The following SUCLG2 variants were observed in gnomAD, a reference collection of about 807,000 sequenced individuals.
SUCLG2 encodes succinate--CoA ligase [GDP-forming] subunit beta, mitochondrial.
Under a neutral mutation model 47.9 loss-of-function variants are expected in SUCLG2, and 42 were observed. The observed-to-expected ratio is 0.88, with a 90% CI of 0.69 to 1.14. The LOEUF (loss-of-function observed/expected upper bound fraction) is 1.14, where lower values mean the gene tolerates loss of function less well. Among genes scored for constraint, SUCLG2 ranks in the 50% most tolerant of loss-of-function variants. The pLI is 0.00. For synonymous variants in SUCLG2, 195 were observed against 197.3 expected (o/e 0.99, Z 0.10); for missense variants, 571 against 525.9 (o/e 1.09, Z -0.84).
At chr3:67,645,345 G>A (rs1038167824) in intron 1 of SUCLG2, among the ~76,000 whole-genome samples, 4 of 152,072 alleles carry the variant, frequency 2.6e-5, no homozygotes, top group East Asian at 1.9e-4. Flanking sequence ...AGTTTTGGAC[G>A]TGGGACTCCA....
Position 67,429,148 on chromosome 3 carries a change from A to G in SUCLG2, c.1063-28297T>C, listed in dbSNP as rs368855960. On this transcript the variant is annotated intron_variant, in intron 9 of 10. Coordinates refer to ENST00000307227, the MANE Select transcript of SUCLG2 (RefSeq NM_003848.4). Reference sequence around the variant, plus strand: ...AAGAGCAACTCCAAGACACATAATTATCAGATTCACCAAAGTTGAAATGAA... The same window carrying G: ...AAGAGCAACTCCAAGACACATAATTGTCAGATTCACCAAAGTTGAAATGAA... 8.5e-5 allele frequency among the ~76,000 whole-genome samples: 13 copies of G among 152,268 alleles called. No homozygotes were observed. In the East Asian group the frequency reaches 1.2e-3, roughly 14 times the overall value.
At chr3:67,497,732 A>G (rs754776686) in intron 8 of SUCLG2, among the ~76,000 whole-genome samples, 6 of 152,314 alleles carry the variant, frequency 3.9e-5, no homozygotes, top group South Asian at 4.1e-4. Context: ...TTTTAAGTCA[A>G]TATTTCTCAG....
chr3:67,431,299 A>T (rs992435937), intron 9 of SUCLG2, among the ~76,000 whole-genome samples: 10 of 152,338 alleles, frequency 6.6e-5, no homozygotes, highest in African/African-American at 2.4e-4. Context: ...CTGGTTCAAC[A>T]TATGCAAATC....
intron 10 of SUCLG2, among the ~76,000 whole-genome samples, chr3:67,393,744 C>T (rs1261834257): frequency 6.6e-6 from 1 of 152,184 alleles, no homozygotes; most frequent in Non-Finnish European, 1.5e-5. Flanking sequence ...GACCCCTGAC[C>T]CCTGAGCAGC....
rs141249076 is a variant in SUCLG2, at chr3:67,533,553, G to A, written c.227-4367C>T. On this transcript the variant is annotated intron_variant, in intron 2 of 10. Coordinates refer to ENST00000307227, the MANE Select transcript of SUCLG2 (RefSeq NM_003848.4). Reference sequence around the variant, plus strand: ...TTTCAGATTTACCTATTACCAGAAGGCAAGGAGAAGGCAAAGTGGAAGGCA... The same window carrying A: ...TTTCAGATTTACCTATTACCAGAAGACAAGGAGAAGGCAAAGTGGAAGGCA... Among the ~76,000 whole-genome samples the A allele has an allele frequency of 4.4e-3, 667 of 152,240 alleles. 8 individuals are homozygous for A. The East Asian group carries it at 0.053, about 12-fold the overall frequency.
intron 7 of SUCLG2, among the ~76,000 whole-genome samples, chr3:67,508,198 T>C (rs2107096538): frequency 1.3e-5 from 2 of 152,250 alleles, no homozygotes; most frequent in East Asian, 3.9e-4. Context: ...CTTGGGGCTT[T>C]ACCAAGGTGA....
chr3:67,574,753 A>G (rs781520688), intron 2 of SUCLG2, among the ~76,000 whole-genome samples: 1 of 152,218 alleles, frequency 6.6e-6, no homozygotes, highest in Non-Finnish European at 1.5e-5. Context: ...AAATGGCACT[A>G]CTAGAAACAT....
In SUCLG2 at chr3:67,518,274, T is replaced by C. The variant is rs115053242; in HGVS notation, c.633A>G (p.Leu211=). The C allele has an allele frequency of 2.7e-4, 442 of 1,612,808 alleles. No individual in the cohort carries two copies. The African/African-American group carries it at 5.1e-3, about 18-fold the overall frequency. ...DSQAQRMAEN[L]GFVGPLKSQA... is the part of the protein sequence containing the mutation. ...GGCTTTTCAAAGGCCCAACGAAGCC[T>C]AGATTTTCGGCCATCCGCTGAGCTT... The change falls in exon 6 of 11, where the codon CTA becomes CTG. Residue 211 remains leucine (L), a synonymous_variant. Coordinates refer to ENST00000307227, the MANE Select transcript of SUCLG2 (RefSeq NM_003848.4).
At chr3:67,378,504 G>A (rs1362732341) in intron 10 of SUCLG2, among the ~76,000 whole-genome samples, 1 of 152,208 alleles carries the variant, frequency 6.6e-6, no homozygotes, top group Non-Finnish European at 1.5e-5. Flanking sequence ...CAAGGAGGAA[G>A]TGCATCTGGC....
chr3:67,499,288 A>G (rs1705434176), intron 7 of SUCLG2, among the ~76,000 whole-genome samples: 1 of 152,232 alleles, frequency 6.6e-6, no homozygotes, highest in Non-Finnish European at 1.5e-5. Flanking sequence ...TAACCTTGAT[A>G]AAATAACCTA....
intron 7 of SUCLG2, among the ~76,000 whole-genome samples, chr3:67,506,642 T>G (rs1705646371): frequency 6.6e-6 from 1 of 152,176 alleles, no homozygotes; most frequent in Non-Finnish European, 1.5e-5. Context: ...ATAAAAAATG[T>G]ATTGCAGCCA....
chr3:67,499,699 C>G (rs752572527), intron 7 of SUCLG2, among the ~76,000 whole-genome samples: 1 of 151,776 alleles, frequency 6.6e-6, no homozygotes, highest in Non-Finnish European at 1.5e-5. Flanking sequence ...GATGCCATGT[C>G]ATCATAATGT....
At chr3:67,521,987 A>G (rs1706121481) in intron 4 of SUCLG2, among the ~76,000 whole-genome samples, 1 of 151,998 alleles carries the variant, frequency 6.6e-6, no homozygotes, top group Non-Finnish European at 1.5e-5. Context: ...TTGTGATTAC[A>G]TGGTATTTAT....
rs1252996294 is a variant in SUCLG2 at position 67,654,602 on chromosome 3, C to T, written c.-16G>A. On this transcript the variant is annotated 5_prime_UTR_variant, in exon 1 of 11. Transcript: ENST00000307227. ...GGGACGCCATCTTAAACAGGAAACT[C>T]GGCACGGGGCAGTAGGGCGGGCGCG... 2.4e-6 allele frequency: 3 copies of T among 1,266,636 alleles called. No homozygotes were observed. The highest frequency in any genetic ancestry group is 2.0e-6 in the Non-Finnish European group (2 of 1,004,176). 78.5% of individuals were successfully genotyped at this position (1,266,636 alleles called of 1,614,324 possible).
At chr3:67,628,595 G>T (rs1340749459) in intron 1 of SUCLG2, among the ~76,000 whole-genome samples, 1 of 152,156 alleles carries the variant, frequency 6.6e-6, no homozygotes, top group African/African-American at 2.4e-5. Context: ...TTACCAATGG[G>T]AGGTAACTGA....
At chr3:67,378,796 A>G (rs139998590) in intron 10 of SUCLG2, among the ~76,000 whole-genome samples, 4 of 152,246 alleles carry the variant, frequency 2.6e-5, no homozygotes, top group Non-Finnish European at 5.9e-5. Flanking sequence ...ACTTTGATTC[A>G]TTTGACTGTG....
At chr3:67,499,225 G>C (rs192641257) in intron 7 of SUCLG2, among the ~76,000 whole-genome samples, 1 of 152,084 alleles carries the variant, frequency 6.6e-6, no homozygotes, top group African/African-American at 2.4e-5. Context: ...TGGTGTGGGA[G>C]AGCACTTAAA....
chr3:67,402,539 T>A (rs1191261854), intron 9 of SUCLG2, among the ~76,000 whole-genome samples: 1 of 152,238 alleles, frequency 6.6e-6, no homozygotes, highest in African/African-American at 2.4e-5. Flanking sequence ...ATGACAGCTA[T>A]TAAATGCTGT....
Position 67,642,906 on chromosome 3 carries a change from C to T in SUCLG2, c.84+11597G>A, listed in dbSNP as rs555248320. ...ATAGCCATTGTACAGGCAAGTCCAA[C>T]AGAAAAGGACTCTGTGTGTGTGTGT... On this transcript the variant is annotated intron_variant, in intron 1 of 10. Transcript: ENST00000307227. 2.0e-3 allele frequency among the ~76,000 whole-genome samples: 281 copies of T among 143,564 alleles called. 3 individuals are homozygous for T. Among genetic ancestry groups the T allele is most frequent in the African/African-American group, 7.4e-3 (276 of 37,236 alleles). 94.2% of individuals were successfully genotyped at this position (143,564 alleles called of 152,430 possible). A position where few individuals can be genotyped will look rare whatever the true frequency, so the allele number is the denominator to read the frequency against.
Sources: allele counts gnomAD v4.1 joint callset (sites outside exome capture counted in the v4.1 genomes callset), GRCh38; gene constraint gnomAD v4.1.1; transcripts MANE v1.5; gene names NCBI Gene and HGNC (gene_info 2026-07-23, HGNC 2026-07-21).